Variants in ARID3B observed in about 807,000 individuals in gnomAD.
ARID3B encodes the protein AT-rich interactive domain-containing protein 3B.
Under a neutral mutation model 51.9 loss-of-function variants are expected in ARID3B, and 10 were observed. That is an observed-to-expected ratio of 0.19 (90% confidence interval 0.12 to 0.33). The LOEUF is 0.33. Ranked by LOEUF, ARID3B falls within the 10% of genes least tolerant of loss-of-function variation. The probability of loss-of-function intolerance (pLI) is 1.00; values close to 1 mark genes in which losing one functional copy is unlikely to be tolerated. For synonymous variants in ARID3B, 205 were observed against 279.5 expected, an observed-to-expected ratio of 0.73 and a Z score of 2.66; for missense variants, 483 against 716.3, an observed-to-expected ratio of 0.67 and a Z score of 3.72.
At chr15:74,593,608 G>A (rs916326587) in intron 8 of ARID3B, among the ~76,000 whole-genome samples, 4 of 133,570 alleles carry the variant, frequency 3.0e-5, no homozygotes, top group African/African-American at 1.0e-4. Context: ...AGGAACCCCA[G>A]TATAGGAGAA....
intron 2 of ARID3B, among the ~76,000 whole-genome samples, chr15:74,569,448 G>A (rs778638338): frequency 2.0e-5 from 3 of 152,058 alleles, no homozygotes; most frequent in East Asian, 1.9e-4. Context: ...TTAGCCGGGC[G>A]TACTGGCATG....
chr15:74,584,906 C>A (rs1249818644), intron 4 of ARID3B, among the ~76,000 whole-genome samples: 1 of 152,218 alleles, frequency 6.6e-6, no homozygotes, highest in Non-Finnish European at 1.5e-5. Context: ...CCTTTTACAT[C>A]CGTCCCTCAG....
chr15:74,589,021 CT>C (rs900091332), intron 4 of ARID3B, among the ~76,000 whole-genome samples: 7,805 of 87,810 alleles, frequency 0.089, 465 homozygotes, highest in East Asian at 0.29. Flanking sequence ...CAAGCACACT[CT>C]TTTTTTTTTT....
At chr15:74,561,155 A>C (rs2061678503) in intron 2 of ARID3B, among the ~76,000 whole-genome samples, 1 of 152,164 alleles carries the variant, frequency 6.6e-6, no homozygotes, top group African/African-American at 2.4e-5. Flanking sequence ...ATATAGCTAA[A>C]TTTATTGATT....
chr15:74,588,257 G>A (rs1262989992), intron 4 of ARID3B, among the ~76,000 whole-genome samples: 2 of 151,372 alleles, frequency 1.3e-5, no homozygotes, highest in African/African-American at 4.9e-5. Context: ...AAAAGAAGAA[G>A]AAGAGGCCTG....
rs182585314 is a variant in ARID3B, at chr15:74,573,246, G to A, written c.697+42G>A. 3.2e-3 allele frequency: 5,145 copies of A among 1,586,506 alleles called. 12 individuals are homozygous for A. The highest frequency in any genetic ancestry group is 4.1e-3 in the Non-Finnish European group (4,701 of 1,154,906). On this transcript the variant is annotated intron_variant, in intron 4 of 8. Coordinates refer to ENST00000346246, the MANE Select transcript of ARID3B (RefSeq NM_006465.4). ...TCATCATTCCAATTCAGGGAATACT[G>A]ATAGAGTGCCTACTGTGTGCTAGTC...
rs2061607180 is a variant in ARID3B, at chr15:74,544,342, C to T, written c.406C>T (p.Pro136Ser). The T allele has an allele frequency of 6.2e-7, 1 of 1,612,214 alleles. No individual in the cohort carries two copies. Among genetic ancestry groups the T allele is most frequent in the Admixed American group, 1.7e-5 (1 of 59,676 alleles). ...AGCTCGCCAAGATCCCAGAGTGGCACCCATGTCCAATCTACTTCCAGCACC... is the reference window on the plus strand; with the variant it reads ...AGCTCGCCAAGATCCCAGAGTGGCATCCATGTCCAATCTACTTCCAGCACC... Reference protein sequence around the residue: ...KVARQDPRVAPMSNLLPAPGL... With the variant: ...KVARQDPRVASMSNLLPAPGL... Residue 136 changes from proline (P) to serine (S), a missense_variant, in exon 2 of 9, where the codon CCC becomes TCC. Around this residue, in one of 3 missense-constraint regions of ARID3B, gnomAD observed 182 missense variants for 244.5 expected, o/e 0.74. Coordinates refer to ENST00000346246, the MANE Select transcript of ARID3B (RefSeq NM_006465.4).
intron 2 of ARID3B, among the ~76,000 whole-genome samples, chr15:74,567,431 G>T (rs2061703210): frequency 6.6e-6 from 1 of 151,970 alleles, no homozygotes; most frequent in Admixed American, 6.6e-5. Flanking sequence ...CCAGTGGTGG[G>T]AACAATTTTT....
chr15:74,589,096 C>T (rs537700582), intron 4 of ARID3B, among the ~76,000 whole-genome samples: 11 of 130,922 alleles, frequency 8.4e-5, no homozygotes, highest in South Asian at 2.6e-4. Context: ...GGTGTGATCT[C>T]GGCTCACTGC....
intron 4 of ARID3B, among the ~76,000 whole-genome samples, chr15:74,578,146 C>T (rs1171682155): frequency 1.3e-5 from 2 of 150,244 alleles, no homozygotes; most frequent in African/African-American, 2.5e-5. Context: ...CATGAGCCAC[C>T]GCACCTGGCC....
At chr15:74,587,978 A>G (rs1316297655) in intron 4 of ARID3B, among the ~76,000 whole-genome samples, 1 of 152,180 alleles carries the variant, frequency 6.6e-6, no homozygotes, top group Non-Finnish European at 1.5e-5. Context: ...GCTGTGGCTC[A>G]CGCTGCAGTC....
intron 2 of ARID3B, among the ~76,000 whole-genome samples, chr15:74,547,786 T>G (rs2061621420): frequency 6.6e-6 from 1 of 152,222 alleles, no homozygotes; most frequent in African/African-American, 2.4e-5. Context: ...AAGTTAATTT[T>G]GTCTACAGCA....
intron 5 of ARID3B, among the ~76,000 whole-genome samples, chr15:74,590,316 G>A (rs2061798454): frequency 6.6e-6 from 1 of 152,136 alleles, no homozygotes; most frequent in Non-Finnish European, 1.5e-5. Context: ...TTTGGCTAAG[G>A]TCATATACCA....
At chr15:74,589,432 G>A (rs534676497) in intron 4 of ARID3B, among the ~76,000 whole-genome samples, 7 of 152,234 alleles carry the variant, frequency 4.6e-5, no homozygotes, top group Admixed American at 2.6e-4. Flanking sequence ...GGAAGCTGCC[G>A]CTGAATGGAG....
intron 2 of ARID3B, among the ~76,000 whole-genome samples, chr15:74,563,961 G>A (rs999645627): frequency 2.0e-5 from 3 of 152,140 alleles, no homozygotes; most frequent in African/African-American, 7.2e-5. Flanking sequence ...TGCTCTGCCC[G>A]CTTTCTACAG....
At chr15:74,544,827 A>C (rs2061609584) in intron 2 of ARID3B, among the ~76,000 whole-genome samples, 1 of 151,254 alleles carries the variant, frequency 6.6e-6, no homozygotes, top group African/African-American at 2.4e-5. Flanking sequence ...AGTAGCTGGG[A>C]CTATAGGCGC....
In ARID3B at chr15:74,572,930, C is replaced by T. The variant is rs541780405; in HGVS notation, c.621C>T (p.Ala207=). The T allele has an allele frequency of 3.0e-5, 49 of 1,614,172 alleles. No homozygotes were observed. The East Asian group carries it at 1.0e-3, about 34-fold the overall frequency. Residue 207 remains alanine (A), a synonymous_variant, in exon 3 of 9, where the codon GCC becomes GCT. Transcript: ENST00000346246. ...GRGREISRDF[A]KLYELDGDPE... is the part of the protein sequence containing the mutation. ...GAAGAGAGATCTCTCGAGATTTTGC[C>T]AAGGTCTGTAATACTTCCTTTGTGA...
At chr15:74,559,865 T>C (rs1411641112) in intron 2 of ARID3B, among the ~76,000 whole-genome samples, 1 of 151,592 alleles carries the variant, frequency 6.6e-6, no homozygotes, top group Non-Finnish European at 1.5e-5. Context: ...TACTTGCGTT[T>C]TGAAGAAAAA....
At chr15:74,546,126 GTGGCAGAGCTAGGACTAGAA>G (rs2061614622) in intron 2 of ARID3B, among the ~76,000 whole-genome samples, 1 of 152,214 alleles carries the variant, frequency 6.6e-6, no homozygotes, top group Non-Finnish European at 1.5e-5. Flanking sequence ...CAGGGAGATA[GTGGCAGAGCTAGGACTAGAA>G]TCAGAGAATC....
Sources: allele counts gnomAD v4.1 joint callset (sites outside exome capture counted in the v4.1 genomes callset), GRCh38; gene constraint gnomAD v4.1.1; regional missense constraint gnomAD v4.1.1; transcripts MANE v1.5; gene names NCBI Gene and HGNC (gene_info 2026-07-23, HGNC 2026-07-21).